Variants in ACSM3 observed in about 807,000 individuals in gnomAD.
ACSM3 encodes acyl-coenzyme A synthetase ACSM3, mitochondrial.
In ACSM3, 61 loss-of-function variants were observed where a neutral mutation model predicts 74.1. That is an observed-to-expected ratio of 0.82 (90% CI 0.67 to 1.02). The LOEUF (loss-of-function observed/expected upper bound fraction) is 1.02. Ranked by LOEUF, ACSM3 falls within the 50% of genes least tolerant of loss-of-function variation. The probability of loss-of-function intolerance (pLI) is 0.00; values close to 1 mark genes in which losing one functional copy is unlikely to be tolerated. For synonymous variants in ACSM3, 213 were observed against 241.5 expected (o/e 0.88, Z 1.09); for missense variants, 660 against 697.0 (o/e 0.95, Z 0.60).
chr16:20,789,655 A>G (rs1229245759), intron 9 of ACSM3: 4 of 826,738 alleles, frequency 4.8e-6, no homozygotes, highest in Non-Finnish European at 8.1e-6. Flanking sequence ...GGTTGGCAAA[A>G]CTGTATATTA....
chr16:20,783,603 T>A (rs2080401024), intron 7 of ACSM3: 1 of 152,208 alleles, frequency 6.6e-6, no homozygotes, highest in African/African-American at 2.4e-5. Flanking sequence ...TAAATATATT[T>A]AAACTGATGT....
Position 20,790,504 on chromosome 16 carries a change from C to G in ACSM3, c.1225-83C>G, listed in dbSNP as rs2080573189. 4 of 1,383,626 alleles carry G rather than the reference C, an allele frequency of 2.9e-6. No individual in the cohort carries two copies. The highest frequency in any genetic ancestry group is 4.0e-6 in the Non-Finnish European group (4 of 999,038). The allele number at this position is 1,383,626 out of a possible 1,614,324, so 85.7% of individuals were successfully genotyped here. A position where few individuals can be genotyped will look rare whatever the true frequency, so the allele number is the denominator to read the frequency against. ...GTCTTCATTTTTAAATGGCAAAAGCCAAAATAAAACTTGCAAAGTTAATAT... is the reference window on the plus strand; with the variant it reads ...GTCTTCATTTTTAAATGGCAAAAGCGAAAATAAAACTTGCAAAGTTAATAT... On this transcript the variant is annotated intron_variant, in intron 9 of 13. Transcript: ENST00000289416. The surrounding 1 kb of genome is among the most constrained non-coding windows in gnomAD (Gnocchi z 4.0).
intron 7 of ACSM3, among the ~76,000 whole-genome samples, chr16:20,784,145 T>C (rs938600759): frequency 6.6e-6 from 1 of 152,240 alleles, no homozygotes; most frequent in Non-Finnish European, 1.5e-5. Flanking sequence ...ATCACAAGAT[T>C]CACACAGTTC....
intron 8 of ACSM3, 128 bp downstream of exon 8, chr16:20,785,235 A>G: frequency 2.3e-6 from 3 of 1,320,430 alleles, no homozygotes; most frequent in Non-Finnish European, 3.1e-6. Context: ...TGTTTAAAAA[A>G]ACAATGCTTG....
chr16:20,736,231 T>C (rs2079867724), intron 1 of ACSM3: 1 of 152,388 alleles, frequency 6.6e-6, no homozygotes, highest in East Asian at 1.9e-4. Flanking sequence ...ACTAGTATAC[T>C]GAAGTATACT....
At chr16:20,740,098 G>A (rs1477522579) in intron 1 of ACSM3, among the ~76,000 whole-genome samples, 1 of 152,072 alleles carries the variant, frequency 6.6e-6, no homozygotes, top group African/African-American at 2.4e-5. Flanking sequence ...GAAATACATT[G>A]TTCAATAATT....
intron 1 of ACSM3, among the ~76,000 whole-genome samples, chr16:20,731,921 C>T (rs1345599347): frequency 6.6e-6 from 1 of 152,094 alleles, no homozygotes; most frequent in Non-Finnish European, 1.5e-5. Context: ...TAAACTAGAG[C>T]CTTTAATCAA....
chr16:20,691,177 T>C (rs1477181391), intron 1 of ACSM3: 1 of 1,591,920 alleles, frequency 6.3e-7, no homozygotes, highest in East Asian at 2.3e-5. Flanking sequence ...GGAACCTCAT[T>C]AGCCACTGCA....
At chr16:20,680,643 A>C (rs1220021621) in intron 1 of ACSM3, 1 of 152,268 alleles carries the variant, frequency 6.6e-6, no homozygotes, top group Non-Finnish European at 1.5e-5. Context: ...TCACAGAGGC[A>C]GTAGGAGAAA....
chr16:20,779,836 A>T, intron 4 of ACSM3: 1 of 186,326 alleles, frequency 5.4e-6, no homozygotes, highest in Non-Finnish European at 1.2e-5. Flanking sequence ...CGGTGGCTCG[A>T]TCTTGGCTCA....
chr16:20,753,019 C>T (rs1169873637), intron 2 of ACSM3, among the ~76,000 whole-genome samples: 1 of 151,800 alleles, frequency 6.6e-6, no homozygotes, highest in Non-Finnish European at 1.5e-5. Flanking sequence ...GAGGACAATG[C>T]CGTATGTTCT....
At chr16:20,747,826 T>C (rs1385175729) in intron 1 of ACSM3, among the ~76,000 whole-genome samples, 1 of 152,120 alleles carries the variant, frequency 6.6e-6, no homozygotes, top group Non-Finnish European at 1.5e-5. Flanking sequence ...AAATATAAAT[T>C]TCAGGGTAGG....
chr16:20,775,352 G>A (rs145113921), intron 2 of ACSM3, among the ~76,000 whole-genome samples: 6 of 152,222 alleles, frequency 3.9e-5, no homozygotes, highest in African/African-American at 1.2e-4. Context: ...ACTATACAGC[G>A]TTTACTAGGC....
At chr16:20,716,046 C>T (rs1261503181) in intron 1 of ACSM3, among the ~76,000 whole-genome samples, 1 of 41,824 alleles carries the variant, frequency 2.4e-5, no homozygotes, top group African/African-American at 6.2e-5. Context: ...GGCTAAGTTA[C>T]CCCCCAGGGA....
At chr16:20,716,768 C>A (rs771152564) in intron 1 of ACSM3, among the ~76,000 whole-genome samples, 24 of 152,102 alleles carry the variant, frequency 1.6e-4, no homozygotes, top group Non-Finnish European at 2.9e-4. Context: ...CCAGCGTTGG[C>A]CCCCTGGACC....
intron 1 of ACSM3, chr16:20,728,399 A>G: frequency 2.1e-6 from 3 of 1,444,168 alleles, no homozygotes; most frequent in Non-Finnish European, 2.9e-6. Context: ...TTATAGATGA[A>G]AATGGCAATG....
chr16:20,775,484 C>T (rs1354255614), intron 2 of ACSM3, among the ~76,000 whole-genome samples: 1 of 152,156 alleles, frequency 6.6e-6, no homozygotes, highest in African/African-American at 2.4e-5. Context: ...TCCCTCTGGG[C>T]TCTGTGCTGA....
intron 1 of ACSM3, among the ~76,000 whole-genome samples, chr16:20,726,454 C>A (rs972433770): frequency 6.6e-6 from 1 of 152,210 alleles, no homozygotes; most frequent in Non-Finnish European, 1.5e-5. Context: ...TTCTCTTTCC[C>A]TAGTCAGTGT....
intron 12 of ACSM3, among the ~76,000 whole-genome samples, chr16:20,794,303 C>CA (rs945930628): frequency 5.9e-5 from 9 of 152,156 alleles, no homozygotes; most frequent in Non-Finnish European, 1.0e-4. Context: ...GTGTCTAGAT[C>CA]ACTAGGTTCT....
Sources: allele counts gnomAD v4.1 joint callset (sites outside exome capture counted in the v4.1 genomes callset), GRCh38; gene constraint gnomAD v4.1.1; non-coding constraint Gnocchi (gnomAD v3.1); transcripts MANE v1.5; gene names NCBI Gene and HGNC (gene_info 2026-07-23, HGNC 2026-07-21).